Variants in UTP4 observed in about 807,000 individuals in gnomAD.
UTP4 encodes the protein UTP4 small subunit processome component.
Under a neutral mutation model 82.4 loss-of-function variants are expected in UTP4, and 45 were observed. That is an observed-to-expected ratio of 0.55 (90% CI 0.43 to 0.70). The LOEUF (loss-of-function observed/expected upper bound fraction) is 0.70, where lower values mean the gene tolerates loss of function less well. UTP4 is among the 30% of genes least tolerant of loss of function. UTP4 has a pLI of 0.00. For missense variants in UTP4, 819 were observed against 858.3 expected (o/e 0.95, Z 0.57); for synonymous variants, 348 against 300.3 (o/e 1.16, Z -1.64).
intron 5 of UTP4, among the ~76,000 whole-genome samples, chr16:69,140,781 A>G (rs771539889): frequency 3.9e-4 from 60 of 151,942 alleles, no homozygotes; most frequent in Non-Finnish European, 7.2e-4. Context: ...TTCTTTTGGT[A>G]TCTATCACTG....
chr16:69,151,125 G>C (rs1421532154), intron 8 of UTP4, among the ~76,000 whole-genome samples: 1 of 151,542 alleles, frequency 6.6e-6, no homozygotes, highest in Non-Finnish European at 1.5e-5. Flanking sequence ...TCCTGCCTCA[G>C]CCTCCCGAGT....
chr16:69,133,744 C>T, intron 2 of UTP4, 126 bp downstream of exon 2: 2 of 928,646 alleles, frequency 2.2e-6, no homozygotes, highest in Admixed American at 2.0e-5. Flanking sequence ...TTGCTTAGAA[C>T]TACCAAACTT....
chr16:69,162,405 G>A (rs1383416279), intron 13 of UTP4, among the ~76,000 whole-genome samples: 8 of 151,664 alleles, frequency 5.3e-5, no homozygotes, highest in Admixed American at 3.3e-4. Flanking sequence ...GTGAGACCCC[G>A]TTTCTACTAA....
Position 69,160,411 on chromosome 16 carries a change from T to C in UTP4, c.1500T>C (p.Ala500=), listed in dbSNP as rs1963532720. 1 of 1,614,024 alleles carries C rather than the reference T, an allele frequency of 6.2e-7. No individual in the cohort carries two copies. The highest frequency in any genetic ancestry group is 1.3e-5 in the African/African-American group (1 of 74,910). ...TCAGTCCAGATGGGAATTGGCTAGCTGCATCAGGTACCAGTGCTGGAGTCC... is the reference window on the plus strand; with the variant it reads ...TCAGTCCAGATGGGAATTGGCTAGCCGCATCAGGTACCAGTGCTGGAGTCC... ...LAVSPDGNWL[A]ASGTSAGVHV... is the part of the protein sequence containing the mutation. Residue 500 remains alanine, a synonymous_variant, in exon 13 of 17, where the codon GCT becomes GCC. Transcript: ENST00000314423.
At position 69,150,698 on chromosome 16, in the gene UTP4, G is replaced by C. The variant is rs181090279; in HGVS notation, c.900G>C (p.Leu300=). 7.4e-6 allele frequency: 12 copies of C among 1,614,220 alleles called. No individual in the cohort carries two copies. The Admixed American group carries it at 2.0e-4, about 27-fold the overall frequency. The change falls in exon 7 of 17, where the codon CTG becomes CTC. Residue 300 remains leucine, a synonymous_variant. Transcript: ENST00000314423. ...CTGTGGCCCACAGCCCAACAGCGCTGATATCTGGAGGTGGGTTCCCCCTCT... is the reference window on the plus strand; with the variant it reads ...CTGTGGCCCACAGCCCAACAGCGCTCATATCTGGAGGTGGGTTCCCCCTCT... The part of the protein sequence containing the change: ...VRTVAHSPTA[L]ISGGTDTHLV...
At chr16:69,147,715 G>A (rs563676632) in intron 6 of UTP4, among the ~76,000 whole-genome samples, 20 of 152,090 alleles carry the variant, frequency 1.3e-4, no homozygotes, top group African/African-American at 4.6e-4. Context: ...TGTTTCATAC[G>A]TCCCTGATAC....
intron 14 of UTP4, among the ~76,000 whole-genome samples, chr16:69,164,592 ATATATATATATATATATATATATG>A (rs1264127100): frequency 9.2e-4 from 110 of 119,392 alleles, no homozygotes; most frequent in African/African-American, 3.0e-3. Context: ...TTCTTTATAT[ATATATATATATATATATATATATG>A]TATATATATA....
rs1178002938 is a variant in UTP4, at chr16:69,163,182, A to C, written c.1647+4A>C. On this transcript the variant is annotated splice_donor_region_variant and intron_variant, in intron 14 of 16. Coordinates refer to ENST00000314423, the MANE Select transcript of UTP4 (RefSeq NM_032830.3). ...CATCGCTCATTCGGACCAGCAGGTAAGGGAGATTCCAGTGCTTTCTATTCC... is the reference window on the plus strand; with the variant it reads ...CATCGCTCATTCGGACCAGCAGGTACGGGAGATTCCAGTGCTTTCTATTCC... 10 of 1,607,978 alleles carry C rather than the reference A, an allele frequency of 6.2e-6. No individual in the cohort carries two copies. Among genetic ancestry groups the C allele is most frequent in the Non-Finnish European group, 8.5e-6 (10 of 1,174,382 alleles).
chr16:69,160,361 G>A lies in UTP4; in HGVS notation c.1450G>A (p.Val484Met), dbSNP rs1169573120. 2 of 1,613,138 alleles carry A rather than the reference G, an allele frequency of 1.2e-6. No individual in the cohort carries two copies. Among genetic ancestry groups the A allele is most frequent in the Non-Finnish European group, 1.7e-6 (2 of 1,179,044 alleles). The change falls in exon 13 of 17, where the codon GTG becomes ATG. Residue 484 changes from valine to methionine, a missense_variant. Physicochemically the swap from Val to Met is conservative, Grantham distance 21 (BLOSUM62 1). Transcript: ENST00000314423. ...TAACTGTTTTGTCCTCACAGGAACA[G>A]TGGAGGCCATGTGTCTTTTGGCAGT... ...LHAFQPQSGT[V>M]EAMCLLAVSP...
Position 69,133,237 on chromosome 16 carries a change from T to C in UTP4, c.-2-221T>C, listed in dbSNP as rs529898774. 7.9e-4 allele frequency among the ~76,000 whole-genome samples: 120 copies of C among 152,050 alleles called. No homozygotes were observed. The Middle Eastern group carries it at 0.01, about 13-fold the overall frequency. ...TCTGGAGCTATGGAGTAGGACCCTT[T>C]TTGATTTTTTGCTGAAGCCTCCTTA... On this transcript the variant is annotated intron_variant, in intron 1 of 16. Transcript: ENST00000314423.
chr16:69,153,513 C>G, intron 8 of UTP4, 71 bp from the exon 9 acceptor site: 1 of 1,026,604 alleles, frequency 9.7e-7, no homozygotes, highest in African/African-American at 1.6e-5. Flanking sequence ...TAAGGTGGTG[C>G]TACTGTATCT....
intron 6 of UTP4, among the ~76,000 whole-genome samples, chr16:69,148,196 T>C (rs1233413264): frequency 6.6e-6 from 1 of 152,050 alleles, no homozygotes; most frequent in Non-Finnish European, 1.5e-5. Context: ...CTCCTGACCT[T>C]GTGATCTGCC....
At chr16:69,156,463 CTTT>C (rs895380237) in intron 11 of UTP4, among the ~76,000 whole-genome samples, 1 of 117,518 alleles carries the variant, frequency 8.5e-6, no homozygotes, top group African/African-American at 3.2e-5. Flanking sequence ...CGCACCCAGC[CTTT>C]TTTTTTTTTT....
chr16:69,155,860 G>C lies in UTP4; in HGVS notation c.1165-11G>C. The C allele has an allele frequency of 1.2e-6, 2 of 1,614,104 alleles. No homozygotes were observed. Among genetic ancestry groups the C allele is most frequent in the Non-Finnish European group, 1.7e-6 (2 of 1,179,996 alleles). On this transcript the variant is annotated splice_polypyrimidine_tract_variant and intron_variant, in intron 10 of 16. Transcript: ENST00000314423. ...TAATTGCACATTCATCTTGATTCCT[G>C]ATATTGCCAGGGTCCTGAGAACATT...
chr16:69,165,623 A>G, intron 15 of UTP4, 97 bp downstream of exon 15: 3 of 1,029,006 alleles, frequency 2.9e-6, no homozygotes, highest in Non-Finnish European at 4.5e-6. Context: ...ACTCAGAATA[A>G]AGGTAGCTAG....
chr16:69,151,110 G>A (rs1032510178), intron 8 of UTP4, among the ~76,000 whole-genome samples: 15 of 151,302 alleles, frequency 9.9e-5, no homozygotes, highest in Non-Finnish European at 1.8e-4. Context: ...GGGTTCAAGC[G>A]ATTCTCCTGC....
At position 69,143,347 on chromosome 16, in the gene UTP4, T is replaced by C; in HGVS notation, c.696T>C (p.His232=). ...CCACTGGGACGCTTGTGAAGAGCCA[T>C]CTCATCGCTAATGCTGACGTGCAGT... The part of the protein sequence containing the change: ...DSATGTLVKS[H]LIANADVQSI... The change falls in exon 6 of 17, where the codon CAT becomes CAC. Residue 232 remains histidine, a synonymous_variant. Transcript: ENST00000314423. 1 of 1,614,152 alleles carries C rather than the reference T, an allele frequency of 6.2e-7. No homozygotes were observed. The highest frequency in any genetic ancestry group is 8.5e-7 in the Non-Finnish European group (1 of 1,180,012).
intron 12 of UTP4, among the ~76,000 whole-genome samples, chr16:69,158,026 G>A (rs1430183559): frequency 1.3e-5 from 2 of 151,612 alleles, no homozygotes; most frequent in Admixed American, 1.3e-4. Context: ...TAACTGTTAA[G>A]GACTTGGACT....
At chr16:69,139,802 T>A (rs1430407675) in intron 4 of UTP4, 23 bp from the exon 5 acceptor site, 1 of 1,559,238 alleles carries the variant, frequency 6.4e-7, no homozygotes, top group African/African-American at 1.4e-5. Context: ...GTCACTTTCT[T>A]TTTTTGTTGT....
Sources: allele counts gnomAD v4.1 joint callset (sites outside exome capture counted in the v4.1 genomes callset), GRCh38; gene constraint gnomAD v4.1.1; transcripts MANE v1.5; gene names NCBI Gene and HGNC (gene_info 2026-07-23, HGNC 2026-07-21).